SLC9B2: variants seen among roughly 807,000 people sequenced by gnomAD.
The protein encoded by SLC9B2 is sodium/hydrogen exchanger 9B2.
A neutral mutation model predicts 52.2 loss-of-function variants in SLC9B2; 39 were observed. The ratio of observed to expected loss-of-function variants is 0.75; its 90% CI spans 0.58 to 0.98. SLC9B2 has a LOEUF of 0.98. Among genes scored for constraint, SLC9B2 ranks in the 50% least tolerant of loss-of-function variants. The pLI is 0.00. For synonymous variants in SLC9B2, 214 were observed against 227.0 expected, an observed-to-expected ratio of 0.94 and a Z score of 0.51; for missense variants, 626 against 637.5, an observed-to-expected ratio of 0.98 and a Z score of 0.19.
chr4:103,060,129 A>C (rs555670988), intron 3 of SLC9B2, among the ~76,000 whole-genome samples: 3 of 151,806 alleles, frequency 2.0e-5, no homozygotes, highest in African/African-American at 7.2e-5. Context: ...ATGTTTTTTA[A>C]AAAAAATCAG....
chr4:103,076,154 T>A (rs1352779661), intron 1 of SLC9B2, 30 bp downstream of exon 1: 1 of 152,286 alleles, frequency 6.6e-6, no homozygotes, highest in Non-Finnish European at 1.5e-5. Context: ...TGGGTTTATT[T>A]TTACCCTTAG....
At chr4:103,071,815 T>G (rs1177576358) in intron 1 of SLC9B2, among the ~76,000 whole-genome samples, 1 of 152,148 alleles carries the variant, frequency 6.6e-6, no homozygotes, top group East Asian at 1.9e-4. Flanking sequence ...CTGGCCCTAA[T>G]TTTAAATACA....
chr4:103,059,077 A>T (rs1379531131), intron 3 of SLC9B2, among the ~76,000 whole-genome samples: 1 of 152,184 alleles, frequency 6.6e-6, no homozygotes, highest in Non-Finnish European at 1.5e-5. Context: ...AAAAAAAGTG[A>T]AATGTTTCCA....
rs538595290 is a variant in SLC9B2, at chr4:103,068,627, TTGGGGTAATTGTTTAAACCAC to T, written c.-42-1056_-42-1036del. On this transcript the variant is annotated intron_variant, in intron 1 of 11. Coordinates refer to ENST00000394785, the MANE Select transcript of SLC9B2 (RefSeq NM_178833.7). ...TCCATCAGCCTTGGACTGCCAAGCA[TTGGGGTAATTGTTTAAACCAC>T]TATTAATCAAGTTTTTTCTTCTTTT... 1.6e-4 allele frequency among the ~76,000 whole-genome samples: 24 copies of T among 152,328 alleles called. No individual in the cohort carries two copies. In the East Asian group the frequency reaches 2.1e-3, roughly 13 times the overall value.
At position 103,025,046 on chromosome 4, in the gene SLC9B2, A is replaced by T. The variant is rs1482182988; in HGVS notation, c.*1324T>A. The stretch of plus-strand genomic sequence containing the variant: ...AACACAGTGGAAGCTCTGGCCCCGA[A>T]AATCTGATGTTCCGTTCCTCCTAGG... On this transcript the variant is annotated 3_prime_UTR_variant, in exon 12 of 12. Coordinates refer to ENST00000394785, the MANE Select transcript of SLC9B2 (RefSeq NM_178833.7). Among the ~76,000 whole-genome samples the T allele has an allele frequency of 2.0e-5, 3 of 152,182 alleles. No individual in the cohort carries two copies. The highest frequency in any genetic ancestry group is 4.4e-5 in the Non-Finnish European group (3 of 68,016).
At chr4:103,048,685 T>A in intron 6 of SLC9B2, 1 of 515,732 alleles carries the variant, frequency 1.9e-6, no homozygotes, top group Non-Finnish European at 3.2e-6. Context: ...TCTTCAACAG[T>A]TTGAATAGTA....
chr4:103,019,566 T>C, downstream of SLC9B2: 1 of 985,170 alleles, frequency 1.0e-6, no homozygotes. Context: ...CCAAAGGGCT[T>C]GGAAGGGCGG....
chr4:103,021,588 CT>C (rs1741795161), downstream of SLC9B2, among the ~76,000 whole-genome samples: 1 of 152,026 alleles, frequency 6.6e-6, no homozygotes, highest in Non-Finnish European at 1.5e-5. Context: ...AAAGCAAAAG[CT>C]TTTGAGGAAT....
chr4:103,044,700 T>C (rs1231291903), intron 8 of SLC9B2, among the ~76,000 whole-genome samples, 190 bp downstream of exon 8: 1 of 152,246 alleles, frequency 6.6e-6, no homozygotes. Flanking sequence ...CGGGAACCCA[T>C]TACAGGACTG....
chr4:103,037,230 A>C (rs1256848874), intron 9 of SLC9B2, among the ~76,000 whole-genome samples: 1 of 151,656 alleles, frequency 6.6e-6, no homozygotes, highest in Non-Finnish European at 1.5e-5. Context: ...GTAGATTACA[A>C]TTATTTCAAT....
chr4:103,018,850 C>A (rs141049801), downstream of SLC9B2, among the ~76,000 whole-genome samples: 494 of 152,306 alleles, frequency 3.2e-3, 2 homozygotes, highest in Non-Finnish European at 4.5e-3. Context: ...GGCCACACAG[C>A]AGGTGAGCAG....
chr4:103,045,790 A>G (rs1744070448), intron 7 of SLC9B2, among the ~76,000 whole-genome samples: 1 of 152,088 alleles, frequency 6.6e-6, no homozygotes, highest in African/African-American at 2.4e-5. Context: ...ACTGGTTTCC[A>G]CTCCAAAAGG....
At chr4:103,037,863 CTTT>C (rs58606567) in intron 9 of SLC9B2, among the ~76,000 whole-genome samples, 1 of 141,680 alleles carries the variant, frequency 7.1e-6, no homozygotes. Context: ...AAAGGTAAGA[CTTT>C]TTTTTTTTTT....
chr4:103,043,287 G>T lies in SLC9B2; in HGVS notation c.1146+9C>A, dbSNP rs1743793169. 6.3e-7 allele frequency: 1 copy of T among 1,593,354 alleles called. No individual in the cohort carries two copies. The highest frequency in any genetic ancestry group is 8.5e-7 in the Non-Finnish European group (1 of 1,173,802). On this transcript the variant is annotated intron_variant, in intron 9 of 11. Coordinates refer to ENST00000394785, the MANE Select transcript of SLC9B2 (RefSeq NM_178833.7). ...AGTCATGAGCAGAAAAACTTAAAAT[G>T]AAATTCACCTTTTCGCTGGTCCATC...
chr4:103,066,976 TG>T (rs1211600611), intron 2 of SLC9B2, among the ~76,000 whole-genome samples: 1 of 151,430 alleles, frequency 6.6e-6, no homozygotes, highest in Non-Finnish European at 1.5e-5. Context: ...TCTCATTAGG[TG>T]CATGCAAATA....
intron 10 of SLC9B2, among the ~76,000 whole-genome samples, chr4:103,031,070 A>G (rs552989457): frequency 1.3e-5 from 2 of 152,268 alleles, no homozygotes; most frequent in South Asian, 4.1e-4. Flanking sequence ...AAATTGCGAC[A>G]TGGATATTTA....
rs1419634389 is a variant in SLC9B2 at position 103,044,900 on chromosome 4, C to A, written c.986G>T (p.Ser329Ile). The A allele has an allele frequency of 1.2e-6, 2 of 1,612,960 alleles. No individual in the cohort carries two copies. The highest frequency in any genetic ancestry group is 3.3e-5 in the Admixed American group (2 of 59,950). The change falls in exon 8 of 12, where the codon AGC becomes ATC. Residue 329 changes from serine to isoleucine, a missense_variant. Coordinates refer to ENST00000394785, the MANE Select transcript of SLC9B2 (RefSeq NM_178833.7). ...VLGFFIQYFP[S>I]RDQDKLVCKR... ...TATTATTTCTTTCACCTGGTCACGG[C>A]TTGGAAAGTACTGAATGAAAAATCC...
chr4:103,066,601 A>G, intron 2 of SLC9B2, 94 bp from the exon 3 acceptor site: 1 of 1,184,522 alleles, frequency 8.4e-7, no homozygotes, highest in Non-Finnish European at 1.2e-6. Flanking sequence ...TCAAATTTCT[A>G]TGACTAGCAT....
chr4:103,026,449 A>C lies in SLC9B2; in HGVS notation c.1535T>G (p.Leu512Arg). 1 of 1,613,958 alleles carries C rather than the reference A, an allele frequency of 6.2e-7. No individual in the cohort carries two copies. Among genetic ancestry groups the C allele is most frequent in the Non-Finnish European group, 8.5e-7 (1 of 1,179,896 alleles). ...AACTTTCTGCAGAAGCCTGGGGCCC[A>C]GTAAACCAATAAGCAGACTTCCAAT... ...APIGSLLIGL[L>R]GPRLLQKVEH... The change falls in exon 12 of 12, where the codon CTG becomes CGG. Residue 512 changes from leucine (L) to arginine (R), a missense_variant. Transcript: ENST00000394785.
Sources: gnomAD v4.1 joint callset for allele counts (sites outside exome capture counted in the v4.1 genomes callset) on GRCh38, gnomAD v4.1.1 for gene constraint, MANE v1.5 for transcripts, NCBI Gene and HGNC (gene_info 2026-07-23, HGNC 2026-07-21) for gene names.